Variants in DCP2 observed in about 807,000 individuals in gnomAD.
DCP2 encodes the protein m7GpppN-mRNA hydrolase.
A neutral mutation model predicts 56.1 loss-of-function variants in DCP2; 30 were observed. That is an observed-to-expected ratio of 0.53 (90% CI 0.40 to 0.73). The LOEUF (loss-of-function observed/expected upper bound fraction) is 0.73. Ranked by LOEUF, DCP2 falls within the 30% of genes least tolerant of loss-of-function variation. The pLI is 0.00. For synonymous variants in DCP2, 197 were observed against 163.3 expected, an observed-to-expected ratio of 1.21 and a Z score of -1.57; for missense variants, 533 against 502.7, an observed-to-expected ratio of 1.06 and a Z score of -0.58.
In DCP2 at chr5:112,992,120, C is replaced by G; in HGVS notation, c.206-1C>G. 1 of 1,613,466 alleles carries G rather than the reference C, an allele frequency of 6.2e-7. No homozygotes were observed. The highest frequency in any genetic ancestry group is 8.5e-7 in the Non-Finnish European group (1 of 1,179,870). The stretch of plus-strand genomic sequence containing the variant: ...AGTAACTTCCTTGACACTATTTATA[C>G]TCTTCAGTCATTGTCCGTTTTTGCT... On this transcript the variant is annotated splice_acceptor_variant, in intron 2 of 10. Coordinates refer to ENST00000389063, the MANE Select transcript of DCP2 (RefSeq NM_152624.6). LOFTEE classifies it high-confidence loss of function.
At position 113,007,941 on chromosome 5, in the gene DCP2, C is replaced by G. The variant is rs1749515460; in HGVS notation, c.946C>G (p.Gln316Glu). ...EMSDLLKGKN[Q>E]SMRGNGRKQY... ...ATATTTCTTTTTGGGAAAACAGAAT[C>G]AAAGTATGAGGGGAAATGGCAGAAA... The change falls in exon 9 of 11, where the codon CAA (glutamine) becomes GAA (glutamate). Residue 316 changes from glutamine to glutamate, a missense_variant. By Grantham distance (29) the Gln-to-Glu change is conservative. This residue lies in a region of DCP2 where 392 missense variants were observed against 346.6 expected (regional missense o/e 1.13). Transcript: ENST00000389063. 6.2e-7 allele frequency: 1 copy of G among 1,612,084 alleles called. No individual in the cohort carries two copies. Among genetic ancestry groups the G allele is most frequent in the Non-Finnish European group, 8.5e-7 (1 of 1,178,902 alleles).
At chr5:113,006,883 A>G (rs1001720831) in intron 8 of DCP2, among the ~76,000 whole-genome samples, 3 of 152,162 alleles carry the variant, frequency 2.0e-5, no homozygotes, top group African/African-American at 4.8e-5. Flanking sequence ...CTGTAATTCT[A>G]GCTCTTCGGG....
chr5:112,977,978 T>G lies in DCP2; in HGVS notation c.53+992T>G, dbSNP rs140051838. ...TTGGGGTTTTTTTTGTTTGTTTGTTTTTTTGTTTTTATTTTTTGAGACGGA... is the reference window on the plus strand; with the variant it reads ...TTGGGGTTTTTTTTGTTTGTTTGTTGTTTTGTTTTTATTTTTTGAGACGGA... On this transcript the variant is annotated intron_variant, in intron 1 of 10. Transcript: ENST00000389063. Among the ~76,000 whole-genome samples the G allele has an allele frequency of 9.4e-4, 143 of 152,172 alleles. 5 individuals carry two copies. The East Asian group carries it at 0.025, about 27-fold the overall frequency.
chr5:112,992,604 C>G (rs1748644387), intron 3 of DCP2, 68 bp from the exon 4 acceptor site: 2 of 1,169,746 alleles, frequency 1.7e-6, no homozygotes, highest in Non-Finnish European at 2.4e-6. Flanking sequence ...AGAAAAATGC[C>G]TTTGATTTTT....
intron 2 of DCP2, among the ~76,000 whole-genome samples, chr5:112,990,338 A>T (rs1396778515): frequency 6.6e-6 from 1 of 152,168 alleles, no homozygotes; most frequent in Non-Finnish European, 1.5e-5. Flanking sequence ...TAAATTATGC[A>T]TAGTCTTTGA....
At chr5:112,982,605 T>C (rs983092495) in intron 1 of DCP2, among the ~76,000 whole-genome samples, 24 of 152,242 alleles carry the variant, frequency 1.6e-4, no homozygotes, top group Admixed American at 3.3e-4. Flanking sequence ...CTAGGTGATA[T>C]CCTTAATACT....
In DCP2 at chr5:112,985,966, T is replaced by C; in HGVS notation, c.185T>C (p.Ile62Thr). ...QNTPGLPQCG[I>T]RDFAKAVFSH... The stretch of plus-strand genomic sequence containing the variant: ...ACACCAGGATTACCTCAGTGTGGGA[T>C]AAGAGACTTTGCTAAAGCTGATATC... The change falls in exon 2 of 11, where the codon ATA becomes ACA. Residue 62 changes from isoleucine to threonine, a missense_variant. This residue lies in a region of DCP2 where 137 missense variants were observed against 138.2 expected (regional missense o/e 0.99). Transcript: ENST00000389063. The C allele has an allele frequency of 1.3e-6, 2 of 1,553,780 alleles. No homozygotes were observed. Among genetic ancestry groups the C allele is most frequent in the Non-Finnish European group, 1.8e-6 (2 of 1,135,632 alleles).
chr5:112,984,686 T>TTAAAAAA (rs377352438), intron 1 of DCP2: 5 of 89,482 alleles, frequency 5.6e-5, no homozygotes, highest in African/African-American at 1.6e-4. Flanking sequence ...ATTTCTTAAT[T>TTAAAAAA]AAAAAAAAAA....
At chr5:112,998,340 T>TA (rs1748960042) in intron 4 of DCP2, among the ~76,000 whole-genome samples, 1 of 152,228 alleles carries the variant, frequency 6.6e-6, no homozygotes, top group Non-Finnish European at 1.5e-5. Flanking sequence ...TATTTATCTT[T>TA]TAAGTCCTAG....
chr5:113,007,153 T>A (rs879450811), intron 8 of DCP2, among the ~76,000 whole-genome samples: 1 of 152,094 alleles, frequency 6.6e-6, no homozygotes, highest in Non-Finnish European at 1.5e-5. Flanking sequence ...TAGTAATCTT[T>A]GTTATTTTGT....
Position 113,018,283 on chromosome 5 carries a change from A to G in DCP2, c.*4799A>G, listed in dbSNP as rs1749971542. On this transcript the variant is annotated 3_prime_UTR_variant, in exon 11 of 11. Coordinates refer to ENST00000389063, the MANE Select transcript of DCP2 (RefSeq NM_152624.6). ...AACAAGTGTAAAGAAAAACTATGATAAAGTATGGAGGTCTTGAGAATTGTT... is the reference window on the plus strand; with the variant it reads ...AACAAGTGTAAAGAAAAACTATGATGAAGTATGGAGGTCTTGAGAATTGTT... 1 of 152,228 alleles carries G rather than the reference A, an allele frequency of 6.6e-6. No individual in the cohort carries two copies. 9.4% of individuals were successfully genotyped at this position (152,228 alleles called of 1,614,324 possible).
At chr5:112,997,438 G>A (rs1748912805) in intron 4 of DCP2, among the ~76,000 whole-genome samples, 2 of 152,128 alleles carry the variant, frequency 1.3e-5, no homozygotes, top group African/African-American at 2.4e-5. Flanking sequence ...GTGTTTTAGT[G>A]TAATGAAACT....
chr5:113,013,676 T>C lies in DCP2; in HGVS notation c.*192T>C. On this transcript the variant is annotated 3_prime_UTR_variant, in exon 11 of 11. Transcript: ENST00000389063. ...CTGTAAATGCAGTTATAACCTTTTA[T>C]ACAGATTTACCTTTTCAGTGTTCAG... 1.7e-6 allele frequency: 1 copy of C among 599,286 alleles called. No individual in the cohort carries two copies. 37.1% of individuals were successfully genotyped at this position (599,286 alleles called of 1,614,324 possible).
In DCP2 at chr5:112,992,316, T is replaced by C. The variant is rs1489029458; in HGVS notation, c.333+68T>C. 4 of 1,540,472 alleles carry C rather than the reference T, an allele frequency of 2.6e-6. No individual in the cohort carries two copies. The Admixed American group carries it at 8.6e-5, about 33-fold the overall frequency. On this transcript the variant is annotated intron_variant, in intron 3 of 10. Coordinates refer to ENST00000389063, the MANE Select transcript of DCP2 (RefSeq NM_152624.6). ...TTAATCTGTTAACAAAATTTGTTAT[T>C]GATGTAGTGTTTCTAAATTGAGGTT...
At chr5:113,009,075 G>C (rs1036403320) in intron 9 of DCP2, among the ~76,000 whole-genome samples, 6 of 152,246 alleles carry the variant, frequency 3.9e-5, no homozygotes, top group African/African-American at 1.4e-4. Flanking sequence ...TCGATCTCCA[G>C]ACCTCGTGAT....
intron 2 of DCP2, among the ~76,000 whole-genome samples, chr5:112,988,249 A>G (rs760133676): frequency 2.0e-5 from 3 of 151,724 alleles, no homozygotes; most frequent in Admixed American, 6.6e-5. Context: ...TTGGGAGGCC[A>G]AGGGGGGCGG....
At position 113,008,006 on chromosome 5, in the gene DCP2, T is replaced by C; in HGVS notation, c.1011T>C (p.Asn337=). The change falls in exon 9 of 11, where the codon AAT becomes AAC. Residue 337 remains asparagine, a synonymous_variant. Coordinates refer to ENST00000389063, the MANE Select transcript of DCP2 (RefSeq NM_152624.6). ...QDSPNQKKRT[N]GLQPAKQQNS... is the part of the protein sequence containing the mutation. ...CACCTAATCAAAAGAAAAGAACAAA[T>C]GGGCTTCAGCCAGCAAAGCAGCAGA... is the stretch of plus-strand genomic sequence containing the variant. 6.2e-7 allele frequency: 1 copy of C among 1,613,920 alleles called. No individual in the cohort carries two copies. The highest frequency in any genetic ancestry group is 1.1e-5 in the South Asian group (1 of 91,068).
Position 113,001,130 on chromosome 5 carries a change from A to C in DCP2, c.479A>C (p.Asp160Ala), listed in dbSNP as rs754141957. 11 of 1,613,710 alleles carry C rather than the reference A, an allele frequency of 6.8e-6. No individual in the cohort carries two copies. In the South Asian group the frequency reaches 1.1e-4, roughly 16 times the overall value. Residue 160 changes from aspartate (D) to alanine (A), a missense_variant, in exon 5 of 11, where the codon GAT becomes GCT. This residue lies in a region of DCP2 where 392 missense variants were observed against 346.6 expected (regional missense o/e 1.13). Transcript: ENST00000389063. ...GATATCAAAGACTATATTTGTAAGG[A>C]TGATTACATTGAACTTCGAATCAAT... Reference protein sequence around the residue: ...GFDIKDYICKDDYIELRINDQ... With the variant: ...GFDIKDYICKADYIELRINDQ...
intron 10 of DCP2, among the ~76,000 whole-genome samples, 193 bp from the exon 11 acceptor site, chr5:113,013,128 A>T (rs1234503303): frequency 6.6e-6 from 1 of 152,214 alleles, no homozygotes; most frequent in Non-Finnish European, 1.5e-5. Flanking sequence ...GGAAATAATA[A>T]TAGATTGAAA....
Sources: gnomAD v4.1 joint callset for allele counts (sites outside exome capture counted in the v4.1 genomes callset) on GRCh38, gnomAD v4.1.1 for gene constraint, gnomAD v4.1.1 regional missense constraint, MANE v1.5 for transcripts, NCBI Gene and HGNC (gene_info 2026-07-23, HGNC 2026-07-21) for gene names.